Variants in ASTN2 observed in about 807,000 individuals in gnomAD.
ASTN2 encodes astrotactin 2.
A neutral mutation model predicts 139.8 loss-of-function variants in ASTN2; 54 were observed. The ratio of observed to expected loss-of-function variants is 0.39; its 90% confidence interval spans 0.31 to 0.48. The LOEUF (loss-of-function observed/expected upper bound fraction) is 0.48. Among genes scored for constraint, ASTN2 ranks in the 20% least tolerant of loss-of-function variants. The pLI, the probability that ASTN2 is intolerant of heterozygous loss-of-function variation, is 0.95. For synonymous variants in ASTN2, 756 were observed against 719.5 expected (o/e 1.05, Z -0.81); for missense variants, 1,565 against 1,725.1 (o/e 0.91, Z 1.64).
At chr9:116,819,297 C>A (rs1006245772) in intron 12 of ASTN2, among the ~76,000 whole-genome samples, 1 of 152,156 alleles carries the variant, frequency 6.6e-6, no homozygotes. Context: ...GATCTAAAGC[C>A]ATGCATAATT....
chr9:117,392,767 T>A (rs561003323), intron 1 of ASTN2, among the ~76,000 whole-genome samples: 1 of 152,328 alleles, frequency 6.6e-6, no homozygotes, highest in Non-Finnish European at 1.5e-5. Flanking sequence ...ATGTTTCCAA[T>A]GCCCTGAGGA....
intron 3 of ASTN2, among the ~76,000 whole-genome samples, chr9:117,145,242 C>T (rs529017787): frequency 6.6e-6 from 1 of 152,222 alleles, no homozygotes; most frequent in South Asian, 2.1e-4. Context: ...ACTCAATACC[C>T]GCATTCCTTG....
At chr9:116,687,312 G>C in intron 16 of ASTN2, 3 of 981,976 alleles carry the variant, frequency 3.1e-6, no homozygotes, top group Non-Finnish European at 3.6e-6. Flanking sequence ...GGTGCTCAAC[G>C]GCGCGTGCGC....
intron 10 of ASTN2, among the ~76,000 whole-genome samples, chr9:116,936,225 TACCACCATC>T (rs773248332): frequency 0.041 from 3,191 of 77,020 alleles, 54 homozygotes; most frequent in Middle Eastern, 0.11. Context: ...CCACCACCAC[TACCACCATC>T]ACCACCACCA....
intron 1 of ASTN2, among the ~76,000 whole-genome samples, chr9:117,334,073 T>A (rs901986434): frequency 3.9e-5 from 6 of 152,224 alleles, no homozygotes; most frequent in Admixed American, 3.9e-4. Context: ...GCAGATCATA[T>A]GGTTTTCCAC....
chr9:116,864,145 G>T (rs961718230), intron 10 of ASTN2, among the ~76,000 whole-genome samples: 2 of 152,140 alleles, frequency 1.3e-5, no homozygotes, highest in Non-Finnish European at 2.9e-5. Context: ...CTCTTAGCTT[G>T]CATCCTACCT....
chr9:116,774,311 T>C (rs1425188265), intron 13 of ASTN2, among the ~76,000 whole-genome samples: 1 of 152,172 alleles, frequency 6.6e-6, no homozygotes, highest in South Asian at 2.1e-4. Flanking sequence ...GACAAGAATC[T>C]GTATCTCGTG....
chr9:116,916,240 T>C (rs1053862574), intron 10 of ASTN2, among the ~76,000 whole-genome samples: 9 of 152,200 alleles, frequency 5.9e-5, no homozygotes, highest in African/African-American at 9.7e-5. Context: ...GTGAAAAGTG[T>C]TGAGCCGTCA....
At chr9:116,618,270 C>T in intron 19 of ASTN2, 54 bp downstream of exon 19, 2 of 1,547,126 alleles carry the variant, frequency 1.3e-6, no homozygotes, top group Admixed American at 1.9e-5. Context: ...TAGAAAATCC[C>T]AGTTTCCCTC....
intron 3 of ASTN2, among the ~76,000 whole-genome samples, chr9:117,154,488 T>A (rs993407656): frequency 6.6e-6 from 1 of 152,058 alleles, no homozygotes; most frequent in Non-Finnish European, 1.5e-5. Flanking sequence ...TGTGTGACTT[T>A]GGACACTTCA....
intron 2 of ASTN2, among the ~76,000 whole-genome samples, chr9:117,241,315 C>T (rs1237988388): frequency 1.3e-5 from 2 of 152,090 alleles, no homozygotes; most frequent in African/African-American, 4.8e-5. Context: ...CTAAAGGATC[C>T]ATCTGGTTTC....
At chr9:117,142,613 T>A (rs1376526058) in intron 3 of ASTN2, among the ~76,000 whole-genome samples, 1 of 152,122 alleles carries the variant, frequency 6.6e-6, no homozygotes, top group African/African-American at 2.4e-5. Flanking sequence ...CCAAAAAAGT[T>A]TCAAAGTTGA....
chr9:117,071,907 G>T (rs994238224), intron 5 of ASTN2, among the ~76,000 whole-genome samples: 8 of 152,268 alleles, frequency 5.3e-5, no homozygotes, highest in African/African-American at 1.9e-4. Context: ...TGCGCCCACT[G>T]TCTGGCACTC....
chr9:117,239,312 C>G (rs939562995), intron 2 of ASTN2, among the ~76,000 whole-genome samples: 1 of 152,266 alleles, frequency 6.6e-6, no homozygotes. Flanking sequence ...TGGCCCCCTC[C>G]TCCCCAGAGG....
At chr9:116,872,069 T>C (rs1201108038) in intron 10 of ASTN2, among the ~76,000 whole-genome samples, 1 of 152,178 alleles carries the variant, frequency 6.6e-6, no homozygotes, top group Non-Finnish European at 1.5e-5. Context: ...GTTCAAGCAA[T>C]TCTCCTGCCT....
intron 19 of ASTN2, among the ~76,000 whole-genome samples, chr9:116,548,919 T>C (rs554213769): frequency 6.6e-6 from 1 of 152,310 alleles, no homozygotes; most frequent in Admixed American, 6.5e-5. Flanking sequence ...TCCATGACCC[T>C]AAATAAATGC....
At chr9:117,001,285 C>T (rs1261652138) in intron 7 of ASTN2, among the ~76,000 whole-genome samples, 1 of 152,184 alleles carries the variant, frequency 6.6e-6, no homozygotes, top group East Asian at 1.9e-4. Context: ...GAAGCTAAGC[C>T]ACTTTTGACA....
At chr9:116,683,756 T>C (rs1311173286) in intron 16 of ASTN2, among the ~76,000 whole-genome samples, 3 of 152,220 alleles carry the variant, frequency 2.0e-5, no homozygotes, top group Admixed American at 2.0e-4. Flanking sequence ...ACCTGATTTC[T>C]CCTGAATATG....
chr9:116,978,335 G>A (rs1179904316), intron 7 of ASTN2, among the ~76,000 whole-genome samples: 1 of 152,196 alleles, frequency 6.6e-6, no homozygotes, highest in Non-Finnish European at 1.5e-5. Context: ...GCTTAACAAT[G>A]TGAGTTGAAT....
Sources: allele counts gnomAD v4.1 joint callset (sites outside exome capture counted in the v4.1 genomes callset), GRCh38; gene constraint gnomAD v4.1.1; transcripts MANE v1.5; gene names NCBI Gene and HGNC (gene_info 2026-07-23, HGNC 2026-07-21).